DPP9: variants seen among roughly 807,000 people sequenced by gnomAD.
The protein encoded by DPP9 is dipeptidyl peptidase IV-related protein-2.
DPP9 carries 50 observed loss-of-function variants against 110.7 expected under a neutral mutation model. The observed-to-expected ratio is 0.45, with a 90% CI of 0.36 to 0.57. DPP9 has a LOEUF of 0.57. Among genes scored for constraint, DPP9 ranks in the 20% least tolerant of loss-of-function variants. The pLI is 0.00. For missense variants in DPP9, 1,022 were observed against 1,217.9 expected (o/e 0.84, Z 2.39); for synonymous variants, 561 against 514.4 (o/e 1.09, Z -1.23).
rs1423128254 is a variant in DPP9, at chr19:4,694,616, G to A, written c.1516+45C>T. 1.2e-5 allele frequency: 19 copies of A among 1,584,108 alleles called. No homozygotes were observed. The highest frequency in any genetic ancestry group is 1.5e-5 in the Non-Finnish European group (18 of 1,163,916). On this transcript the variant is annotated intron_variant, in intron 13 of 21. Transcript: ENST00000262960. This position sits in a 1 kb window ranked among gnomAD's most constrained non-coding sequence, Gnocchi z 4.0. ...GAACAAACAGCATATTGAACCACACGTGACTAACGCGATGAGTCGACAGCA... is the reference window on the plus strand; with the variant it reads ...GAACAAACAGCATATTGAACCACACATGACTAACGCGATGAGTCGACAGCA...
At position 4,689,546 on chromosome 19, in the gene DPP9, T is replaced by C; in HGVS notation, c.1749+24A>G. ...GAGCTGTTGGACGGGCACAGGGCGG[T>C]GCCGTGAGGCTGGGCGGTCCCACCT... On this transcript the variant is annotated intron_variant, in intron 15 of 21. Coordinates refer to ENST00000262960, the MANE Select transcript of DPP9 (RefSeq NM_139159.5). This position sits in a 1 kb window ranked among gnomAD's most constrained non-coding sequence, Gnocchi z 7.0. The C allele has an allele frequency of 6.5e-7, 1 of 1,543,282 alleles. No individual in the cohort carries two copies.
At chr19:4,717,661 GATGAGAA>G (rs1291729263) in intron 3 of DPP9, 2 of 152,234 alleles carry the variant, frequency 1.3e-5, no homozygotes, top group African/African-American at 4.8e-5. Context: ...CGATCCCGGA[GATGAGAA>G]ATGAAATGAA....
chr19:4,721,210 A>G lies in DPP9; in HGVS notation c.-35-1269T>C, dbSNP rs149146817. ...TCTGCCAAGAATGACCCAACCCTAAATATCAGTGGCAAAGCTGAGAAACCC... is the reference window on the plus strand; with the variant it reads ...TCTGCCAAGAATGACCCAACCCTAAGTATCAGTGGCAAAGCTGAGAAACCC... On this transcript the variant is annotated intron_variant, in intron 2 of 21. Coordinates refer to ENST00000262960, the MANE Select transcript of DPP9 (RefSeq NM_139159.5). 3.4e-3 allele frequency among the ~76,000 whole-genome samples: 511 copies of G among 152,300 alleles called. 11 individuals are homozygous for G. Among genetic ancestry groups the G allele is most frequent in the African/African-American group, 0.012 (500 of 41,562 alleles).
intron 18 of DPP9, 188 bp from the exon 19 acceptor site, chr19:4,683,817 C>A (rs1284713672): frequency 2.0e-6 from 3 of 1,535,358 alleles, no homozygotes; most frequent in South Asian, 2.4e-5. Flanking sequence ...GATCCAGCAG[C>A]CATCTTGCTC....
In DPP9 at chr19:4,698,659, G is replaced by A. The variant is rs1273087654; in HGVS notation, c.1075-1008C>T. ...AGCTACTCAAGAGGCTGAGGCAAGA[G>A]GATTGCCTTGAGCCTGGGAAGTTGA... is the stretch of plus-strand genomic sequence containing the variant. On this transcript the variant is annotated intron_variant, in intron 10 of 21. Coordinates refer to ENST00000262960, the MANE Select transcript of DPP9 (RefSeq NM_139159.5). This position sits in a 1 kb window ranked among gnomAD's most constrained non-coding sequence, Gnocchi z 4.2. Among the ~76,000 whole-genome samples, 1 of 152,188 alleles carries A rather than the reference G, an allele frequency of 6.6e-6. No homozygotes were observed. Among genetic ancestry groups the A allele is most frequent in the East Asian group, 1.9e-4 (1 of 5,190 alleles).
chr19:4,691,324 A>C (rs936096170), intron 13 of DPP9, among the ~76,000 whole-genome samples: 3 of 152,020 alleles, frequency 2.0e-5, no homozygotes, highest in Non-Finnish European at 2.9e-5. Flanking sequence ...AAAAAAAGAA[A>C]AATTAGCCAG....
Position 4,689,566 on chromosome 19 carries a change from C to T in DPP9, c.1749+4G>A. 1 of 1,556,628 alleles carries T rather than the reference C, an allele frequency of 6.4e-7. No individual in the cohort carries two copies. Among genetic ancestry groups the T allele is most frequent in the Non-Finnish European group, 8.7e-7 (1 of 1,153,994 alleles). On this transcript the variant is annotated splice_donor_region_variant and intron_variant, in intron 15 of 21. Coordinates refer to ENST00000262960, the MANE Select transcript of DPP9 (RefSeq NM_139159.5). This position sits in a 1 kb window ranked among gnomAD's most constrained non-coding sequence, Gnocchi z 7.0. The stretch of plus-strand genomic sequence containing the variant: ...GGCGGTGCCGTGAGGCTGGGCGGTC[C>T]CACCTGGCTCATGGAGCAGCTATGG...
chr19:4,689,320 C>T lies in DPP9; in HGVS notation c.1749+250G>A, dbSNP rs926797480. ...CCACATCCCACCGCACACAGAGCGG[C>T]GGAGCCCCAGCTCAGCGGACGGGCA... On this transcript the variant is annotated intron_variant, in intron 15 of 21. Transcript: ENST00000262960. The surrounding 1 kb of genome is among the most constrained non-coding windows in gnomAD (Gnocchi z 7.0). Among the ~76,000 whole-genome samples, 8 of 152,216 alleles carry T rather than the reference C, an allele frequency of 5.3e-5. No individual in the cohort carries two copies. In the East Asian group the frequency reaches 7.7e-4, roughly 15 times the overall value.
intron 4 of DPP9, among the ~76,000 whole-genome samples, chr19:4,708,518 C>T (rs1328568002): frequency 6.6e-6 from 1 of 152,086 alleles, no homozygotes; most frequent in African/African-American, 2.4e-5. Context: ...TTCACAACAG[C>T]AAAGACATGG....
intron 9 of DPP9, 31 bp downstream of exon 9, chr19:4,701,996 G>A (rs1045432366): frequency 1.2e-6 from 2 of 1,605,276 alleles, no homozygotes; most frequent in Admixed American, 1.7e-5. Flanking sequence ...CAGATCCCCG[G>A]CCCAGCCCCT....
chr19:4,681,842 CTTTTTTTTT>C (rs778786711), intron 20 of DPP9, among the ~76,000 whole-genome samples: 6 of 115,716 alleles, frequency 5.2e-5, no homozygotes, highest in African/African-American at 3.5e-5. Context: ...CCCAGGCAGA[CTTTTTTTTT>C]TTTTTTTTTT....
chr19:4,690,767 G>A lies in DPP9; in HGVS notation c.1596+111C>T, dbSNP rs1157452133. The A allele has an allele frequency of 4.7e-6, 4 of 856,320 alleles. No individual in the cohort carries two copies. In the East Asian group the frequency reaches 8.0e-5, roughly 17 times the overall value. The allele number at this position is 856,320 out of a possible 1,614,324, so 53.0% of individuals were successfully genotyped here. ...TGTGCGTGTGTGTATGTGTGAGAATGAGTATGTGTGTGAGTGTATGTGTGT... is the reference window on the plus strand; with the variant it reads ...TGTGCGTGTGTGTATGTGTGAGAATAAGTATGTGTGTGAGTGTATGTGTGT... On this transcript the variant is annotated intron_variant, in intron 14 of 21. Coordinates refer to ENST00000262960, the MANE Select transcript of DPP9 (RefSeq NM_139159.5).
intron 20 of DPP9, among the ~76,000 whole-genome samples, chr19:4,680,191 C>T (rs1034918923): frequency 2.7e-5 from 4 of 147,510 alleles, no homozygotes; most frequent in Non-Finnish European, 5.9e-5. Flanking sequence ...GCGCTGAGAT[C>T]GCGCCACTCA....
chr19:4,692,773 A>G (rs2091439722), intron 13 of DPP9, among the ~76,000 whole-genome samples: 1 of 152,174 alleles, frequency 6.6e-6, no homozygotes, highest in Non-Finnish European at 1.5e-5. Context: ...TGAAATCCCA[A>G]TGCCAGATGG....
intron 4 of DPP9, among the ~76,000 whole-genome samples, 176 bp downstream of exon 4, chr19:4,713,905 C>T (rs1242834084): frequency 2.6e-5 from 4 of 152,148 alleles, no homozygotes; most frequent in African/African-American, 9.6e-5. Flanking sequence ...CACCCCGCGG[C>T]AGCCCTTCCC....
At position 4,719,576 on chromosome 19, in the gene DPP9, G is replaced by A. The variant is rs1381404323; in HGVS notation, c.56+275C>T. 15 of 515,418 alleles carry A rather than the reference G, an allele frequency of 2.9e-5. No individual in the cohort carries two copies. In the East Asian group the frequency reaches 5.0e-4, roughly 17 times the overall value. The allele number at this position is 515,418 out of a possible 1,614,324, so 31.9% of individuals were successfully genotyped here. A position where few individuals can be genotyped will look rare whatever the true frequency, so the allele number is the denominator to read the frequency against. On this transcript the variant is annotated intron_variant, in intron 3 of 21. Coordinates refer to ENST00000262960, the MANE Select transcript of DPP9 (RefSeq NM_139159.5). ...AACTGAGGGGAGCTCCTGGCATGAA[G>A]TGGGTGGAGGCCAGGGACGCTGCTC... is the stretch of plus-strand genomic sequence containing the variant.
chr19:4,693,319 C>T lies in DPP9; in HGVS notation c.1516+1342G>A, dbSNP rs1292150332. Among the ~76,000 whole-genome samples the T allele has an allele frequency of 1.3e-5, 2 of 152,116 alleles. No homozygotes were observed. The highest frequency in any genetic ancestry group is 2.9e-5 in the Non-Finnish European group (2 of 68,000). ...TGACCCTTGGGAGCTCTGTCCCATC[C>T]CGAGGCTGACACTGTCAGTGTGCAA... On this transcript the variant is annotated intron_variant, in intron 13 of 21. Transcript: ENST00000262960. This position sits in a 1 kb window ranked among gnomAD's most constrained non-coding sequence, Gnocchi z 5.0.
intron 3 of DPP9, among the ~76,000 whole-genome samples, chr19:4,716,672 G>T (rs1036178740): frequency 6.6e-6 from 1 of 151,776 alleles, no homozygotes; most frequent in Non-Finnish European, 1.5e-5. Context: ...GAAAGATCAC[G>T]ACCTGCAATT....
Position 4,700,205 on chromosome 19 carries a change from G to C in DPP9, c.1074+11C>G, listed in dbSNP as rs1240411208. 6 of 1,562,086 alleles carry C rather than the reference G, an allele frequency of 3.8e-6. No homozygotes were observed. The highest frequency in any genetic ancestry group is 5.2e-6 in the Non-Finnish European group (6 of 1,145,326). On this transcript the variant is annotated intron_variant, in intron 10 of 21. Coordinates refer to ENST00000262960, the MANE Select transcript of DPP9 (RefSeq NM_139159.5). The surrounding 1 kb of genome is among the most constrained non-coding windows in gnomAD (Gnocchi z 4.3). ...CTAGTAGATTATCTGGTATGCAGCA[G>C]GCCCCCTTACCTTGCCCTGGCTGTC...
Sources: gnomAD v4.1 joint callset for allele counts (sites outside exome capture counted in the v4.1 genomes callset) on GRCh38, gnomAD v4.1.1 for gene constraint, Gnocchi (gnomAD v3.1) non-coding constraint, MANE v1.5 for transcripts, NCBI Gene and HGNC (gene_info 2026-07-23, HGNC 2026-07-21) for gene names.